PCDH15: variants seen among roughly 807,000 people sequenced by gnomAD.
PCDH15 encodes protocadherin related 15.
In PCDH15, 129 loss-of-function variants were observed where a neutral mutation model predicts 178.5. The ratio of observed to expected loss-of-function variants is 0.72; its 90% confidence interval spans 0.63 to 0.84. PCDH15 has a LOEUF of 0.84. Among genes scored for constraint, PCDH15 ranks in the 40% least tolerant of loss-of-function variants. PCDH15 has a pLI of 0.00. For synonymous variants in PCDH15, 800 were observed against 732.0 expected, an observed-to-expected ratio of 1.09 and a Z score of -1.50; for missense variants, 2,230 against 2,099.9, an observed-to-expected ratio of 1.06 and a Z score of -1.21.
At chr10:53,977,899 A>G (rs2090317823) in intron 21 of PCDH15, among the ~76,000 whole-genome samples, 1 of 152,184 alleles carries the variant, frequency 6.6e-6, no homozygotes, top group South Asian at 2.1e-4. Flanking sequence ...AAAGCTCCCA[A>G]ATGATCTTCT....
intron 13 of PCDH15, among the ~76,000 whole-genome samples, chr10:54,164,591 T>C (rs2046027106): frequency 6.6e-6 from 1 of 152,158 alleles, no homozygotes; most frequent in Non-Finnish European, 1.5e-5. Context: ...ATCAGAACAG[T>C]TAAGTGAATC....
chr10:54,840,026 T>C (rs1953390523), intron 3 of PCDH15, among the ~76,000 whole-genome samples: 1 of 152,090 alleles, frequency 6.6e-6, no homozygotes, highest in Non-Finnish European at 1.5e-5. Context: ...AGTTTATTAC[T>C]ATTGTACTTG....
chr10:53,833,263 T>C (rs527666493), intron 29 of PCDH15, among the ~76,000 whole-genome samples: 1 of 152,168 alleles, frequency 6.6e-6, no homozygotes, highest in South Asian at 2.1e-4. Flanking sequence ...GATTCCTGGA[T>C]TTCATATCCA....
At chr10:54,784,332 A>T (rs967423152) in intron 1 of PCDH15, among the ~76,000 whole-genome samples, 8 of 11,290 alleles carry the variant, frequency 7.1e-4, no homozygotes, top group Non-Finnish European at 4.3e-3. Context: ...TTAGAATAAT[A>T]ATAATAAAAA....
At chr10:53,871,202 G>A (rs1334398433) in intron 26 of PCDH15, among the ~76,000 whole-genome samples, 2 of 151,534 alleles carry the variant, frequency 1.3e-5, no homozygotes, top group African/African-American at 2.4e-5. Context: ...TTAGCTGGGC[G>A]TCGTGGCAGG....
At position 53,823,826 on chromosome 10, in the gene PCDH15, T is replaced by C. The variant is rs909600648; in HGVS notation, c.4367+3567A>G. 1.0e-4 allele frequency: 46 copies of C among 456,192 alleles called. No homozygotes were observed. In the East Asian group the frequency reaches 2.6e-3, roughly 26 times the overall value. The allele number at this position is 456,192 out of a possible 1,614,324, so 28.3% of individuals were successfully genotyped here. On this transcript the variant is annotated intron_variant, in intron 32 of 37. Transcript: ENST00000644397. ...TGTCCTAGAGCCAAAAGTAATCTCC[T>C]CTCTGAGCCATCATGTGGAATATCC...
At chr10:55,193,929 A>G (rs1026203425) in intron 1 of PCDH15, among the ~76,000 whole-genome samples, 1 of 151,972 alleles carries the variant, frequency 6.6e-6, no homozygotes, top group African/African-American at 2.4e-5. Context: ...TAATCCAATA[A>G]TCCTGATGCT....
chr10:54,936,370 T>C (rs1190510580), intron 2 of PCDH15, among the ~76,000 whole-genome samples: 1 of 152,000 alleles, frequency 6.6e-6, no homozygotes, highest in Non-Finnish European at 1.5e-5. Flanking sequence ...TAGTCGCATG[T>C]TTTCCCTTCT....
intron 8 of PCDH15, among the ~76,000 whole-genome samples, chr10:54,270,153 A>G (rs887980837): frequency 2.6e-5 from 4 of 152,132 alleles, no homozygotes; most frequent in Admixed American, 6.5e-5. Flanking sequence ...AGTGAAATAT[A>G]ACATTCAAAC....
At chr10:53,828,958 G>A (rs970728970) in intron 30 of PCDH15, among the ~76,000 whole-genome samples, 1 of 152,078 alleles carries the variant, frequency 6.6e-6, no homozygotes, top group African/African-American at 2.4e-5. Context: ...ATGGAGAGAG[G>A]TAGCAAGCCC....
intron 1 of PCDH15, among the ~76,000 whole-genome samples, chr10:55,237,986 A>G (rs959594400): frequency 6.6e-6 from 1 of 152,074 alleles, no homozygotes; most frequent in Non-Finnish European, 1.5e-5. Flanking sequence ...GAGACCGTAC[A>G]AATTCAAGTC....
chr10:55,620,879 C>T (rs1262939704), intron 2 of PCDH15, among the ~76,000 whole-genome samples: 1 of 151,380 alleles, frequency 6.6e-6, no homozygotes, highest in Non-Finnish European at 1.5e-5. Context: ...TCATGTATAC[C>T]TCTTTGCAGC....
chr10:54,626,269 G>T (rs11004419), intron 2 of PCDH15, among the ~76,000 whole-genome samples: 4 of 152,224 alleles, frequency 2.6e-5, no homozygotes, highest in Non-Finnish European at 5.9e-5. Context: ...TCAAGCGGGC[G>T]GCAGAAATTT....
intron 25 of PCDH15, among the ~76,000 whole-genome samples, chr10:53,908,067 C>T (rs2133732485): frequency 6.6e-6 from 1 of 152,204 alleles, no homozygotes; most frequent in Middle Eastern, 3.4e-3. Context: ...GAAAGCCTTA[C>T]TGAATAAGAA....
intron 1 of PCDH15, among the ~76,000 whole-genome samples, chr10:55,209,285 T>G (rs1398881769): frequency 6.6e-6 from 1 of 152,120 alleles, no homozygotes; most frequent in Non-Finnish European, 1.5e-5. Flanking sequence ...ATGCAGAACC[T>G]TAAAAACTGT....
At chr10:55,157,913 C>T (rs12218850) in intron 2 of PCDH15, among the ~76,000 whole-genome samples, 60,867 of 151,392 alleles carry the variant, frequency 0.4, 12,904 homozygotes, top group African/African-American at 0.54. Flanking sequence ...ATGTAACAAA[C>T]ATGCATGTTG....
chr10:55,093,868 T>C (rs1302605383), intron 2 of PCDH15, among the ~76,000 whole-genome samples: 2 of 151,892 alleles, frequency 1.3e-5, no homozygotes, highest in Non-Finnish European at 2.9e-5. Context: ...GTTAGAATGG[T>C]GATCATTAAA....
At chr10:55,117,358 G>C (rs990347232) in intron 2 of PCDH15, among the ~76,000 whole-genome samples, 1 of 152,126 alleles carries the variant, frequency 6.6e-6, no homozygotes, top group South Asian at 2.1e-4. Flanking sequence ...ATTATCCAGA[G>C]TGTTTTTAAA....
intron 2 of PCDH15, among the ~76,000 whole-genome samples, chr10:55,538,396 T>C (rs1436384858): frequency 3.4e-4 from 45 of 130,486 alleles, no homozygotes; most frequent in African/African-American, 1.3e-3. Flanking sequence ...CTTCCTTCCT[T>C]TCTTCCTTCC....
Sources: gnomAD v4.1 joint callset for allele counts (sites outside exome capture counted in the v4.1 genomes callset) on GRCh38, gnomAD v4.1.1 for gene constraint, MANE v1.5 for transcripts, NCBI Gene and HGNC (gene_info 2026-07-23, HGNC 2026-07-21) for gene names.